Variants in CSMD1 observed in about 807,000 individuals in gnomAD.
CSMD1 encodes the protein CUB and sushi domain-containing protein 1.
CSMD1 carries 213 observed loss-of-function variants against 417.5 expected under a neutral mutation model. The observed-to-expected ratio is 0.51, with a 90% CI of 0.46 to 0.57. CSMD1 has a LOEUF of 0.57. Among genes scored for constraint, CSMD1 ranks in the 20% least tolerant of loss-of-function variants. The probability of loss-of-function intolerance (pLI) is 0.00; values close to 1 mark genes in which losing one functional copy is unlikely to be tolerated. For synonymous variants in CSMD1, 2,862 were observed against 1,736.8 expected (o/e 1.65, Z -16.11); for missense variants, 6,923 against 4,529.7 (o/e 1.53, Z -15.17).
intron 23 of CSMD1, among the ~76,000 whole-genome samples, chr8:3,312,229 T>C (rs1196912688): frequency 6.6e-6 from 1 of 152,338 alleles, no homozygotes; most frequent in African/African-American, 2.4e-5. Context: ...AGTTTTTCTT[T>C]CTGCTTAAAC....
chr8:4,425,624 C>T (rs1030145838), intron 2 of CSMD1, among the ~76,000 whole-genome samples: 1 of 152,034 alleles, frequency 6.6e-6, no homozygotes. Flanking sequence ...TCCATGAGGG[C>T]CCTTGCGATA....
intron 1 of CSMD1, among the ~76,000 whole-genome samples, chr8:4,963,886 T>G (rs1585418747): frequency 6.6e-6 from 1 of 152,130 alleles, no homozygotes; most frequent in Non-Finnish European, 1.5e-5. Context: ...ACCTCCACTT[T>G]CCAATTCCTA....
intron 4 of CSMD1, among the ~76,000 whole-genome samples, chr8:4,009,709 TTGGTG>T (rs1447160614): frequency 2.2e-4 from 34 of 151,678 alleles, no homozygotes; most frequent in African/African-American, 8.0e-4. Flanking sequence ...CCACAAAGAG[TTGGTG>T]GTCAGGATGT....
At chr8:3,573,047 C>G (rs1479418231) in intron 10 of CSMD1, among the ~76,000 whole-genome samples, 1 of 151,948 alleles carries the variant, frequency 6.6e-6, no homozygotes, top group African/African-American at 2.4e-5. Flanking sequence ...TTTTGTTAGA[C>G]AAATTAATGA....
chr8:3,435,227 T>C (rs1452494486), intron 12 of CSMD1, among the ~76,000 whole-genome samples: 1 of 152,186 alleles, frequency 6.6e-6, no homozygotes, highest in Non-Finnish European at 1.5e-5. Context: ...CAGAGCTCCC[T>C]GGGAAAGAAA....
intron 5 of CSMD1, among the ~76,000 whole-genome samples, chr8:3,867,042 G>C (rs1373121607): frequency 6.6e-6 from 1 of 152,128 alleles, no homozygotes; most frequent in Non-Finnish European, 1.5e-5. Context: ...TGCACTTGTA[G>C]AATTGCTATT....
intron 1 of CSMD1, among the ~76,000 whole-genome samples, chr8:4,831,821 C>T (rs1298420925): frequency 2.0e-5 from 3 of 152,150 alleles, no homozygotes; most frequent in African/African-American, 7.2e-5. Context: ...CCACCCCCTC[C>T]CCTGACACTC....
chr8:4,175,733 A>G (rs931515526), intron 3 of CSMD1, among the ~76,000 whole-genome samples: 2 of 152,208 alleles, frequency 1.3e-5, no homozygotes, highest in African/African-American at 4.8e-5. Context: ...AATGTTGCCT[A>G]GAAAAATAAT....
intron 26 of CSMD1, among the ~76,000 whole-genome samples, chr8:3,273,175 G>A (rs10093082): frequency 0.62 from 92,145 of 148,126 alleles, 28,951 homozygotes; most frequent in Admixed American, 0.65. Flanking sequence ...CCTTTTCTGC[G>A]TCTATTGAGA....
intron 9 of CSMD1, among the ~76,000 whole-genome samples, chr8:3,579,847 TA>T (rs1800307296): frequency 1.3e-5 from 2 of 152,200 alleles, no homozygotes; most frequent in African/African-American, 2.4e-5. Context: ...CTCACGCCTT[TA>T]ATTTCAGCAT....
intron 1 of CSMD1, among the ~76,000 whole-genome samples, chr8:4,755,158 C>T (rs1811591269): frequency 6.6e-6 from 1 of 152,092 alleles, no homozygotes. Context: ...AATAAATAAG[C>T]AAAAGCAAAG....
At chr8:3,138,670 G>A (rs1818254513) in intron 41 of CSMD1, among the ~76,000 whole-genome samples, 1 of 152,200 alleles carries the variant, frequency 6.6e-6, no homozygotes, top group South Asian at 2.1e-4. Flanking sequence ...GGAAAGCATT[G>A]CAGGCTGAGA....
rs751928290 is a variant in CSMD1 at position 3,118,567 on chromosome 8, G to T, written c.6262C>A (p.Pro2088Thr). 2 of 1,613,496 alleles carry T rather than the reference G, an allele frequency of 1.2e-6. No homozygotes were observed. Among genetic ancestry groups the T allele is most frequent in the East Asian group, 2.2e-5 (1 of 44,866 alleles). The change falls in exon 42 of 70, where the codon CCA becomes ACA. Residue 2088 changes from proline to threonine, a missense_variant. Transcript: ENST00000635120. ...AYQAYELQNC[P>T]DPPPFQNGYM... ...CCATTCTGAAATGGGGGTGGATCTG[G>T]ACAGTTCTGTAATTCATAGGCTGAA...
intron 36 of CSMD1, among the ~76,000 whole-genome samples, chr8:3,181,597 G>T (rs1389353979): frequency 2.0e-5 from 3 of 152,158 alleles, no homozygotes; most frequent in African/African-American, 7.2e-5. Context: ...TGAGGGAGCA[G>T]TCGGACCCTG....
At chr8:3,460,808 G>T (rs532481621) in intron 12 of CSMD1, among the ~76,000 whole-genome samples, 1 of 152,130 alleles carries the variant, frequency 6.6e-6, no homozygotes, top group African/African-American at 2.4e-5. Context: ...CAATGATGCC[G>T]CACTCTGGGT....
At chr8:3,358,042 G>C (rs1808909852) in intron 21 of CSMD1, among the ~76,000 whole-genome samples, 1 of 152,042 alleles carries the variant, frequency 6.6e-6, no homozygotes, top group South Asian at 2.1e-4. Context: ...CCAAAAATCT[G>C]CCCCAAAGGC....
rs149319309 is a variant in CSMD1 at position 3,630,754 on chromosome 8, T to A, written c.1010-13957A>T. Among the ~76,000 whole-genome samples, 28 of 152,178 alleles carry A rather than the reference T, an allele frequency of 1.8e-4. No individual in the cohort carries two copies. The East Asian group carries it at 5.2e-3, about 28-fold the overall frequency. On this transcript the variant is annotated intron_variant, in intron 7 of 69. Coordinates refer to ENST00000635120, the MANE Select transcript of CSMD1 (RefSeq NM_033225.6). ...CTCTCTGAAGCCACTGAGCCAACGG[T>A]GGTAGCACTCACCATGGTGGCTAAA...
intron 8 of CSMD1, among the ~76,000 whole-genome samples, chr8:3,596,103 T>C (rs1801080907): frequency 6.6e-6 from 1 of 152,192 alleles, no homozygotes; most frequent in Non-Finnish European, 1.5e-5. Context: ...AAAAGGCGTT[T>C]TGCGGATCAT....
intron 7 of CSMD1, among the ~76,000 whole-genome samples, chr8:3,635,502 G>A (rs1169978162): frequency 2.9e-5 from 2 of 69,452 alleles, no homozygotes; most frequent in African/African-American, 5.5e-5. Context: ...TTTTTTTTTT[G>A]AGACAGAAAC....
Sources: allele counts gnomAD v4.1 joint callset (sites outside exome capture counted in the v4.1 genomes callset), GRCh38; gene constraint gnomAD v4.1.1; transcripts MANE v1.5; gene names NCBI Gene and HGNC (gene_info 2026-07-23, HGNC 2026-07-21).